Variants in CCDC30 observed in about 807,000 individuals in gnomAD.
The protein encoded by CCDC30 is coiled-coil domain containing 30, also known as coiled-coil domain-containing protein 30.
A neutral mutation model predicts 100.2 loss-of-function variants in CCDC30; 70 were observed. That is an observed-to-expected ratio of 0.70 (90% CI 0.58 to 0.85). The LOEUF (loss-of-function observed/expected upper bound fraction) is 0.85, where lower values mean the gene tolerates loss of function less well. Among genes scored for constraint, CCDC30 ranks in the 40% least tolerant of loss-of-function variants. The probability of loss-of-function intolerance (pLI) is 0.00; values close to 1 mark genes in which losing one functional copy is unlikely to be tolerated. For missense variants in CCDC30, 652 were observed against 771.2 expected, an observed-to-expected ratio of 0.85 and a Z score of 1.83; for synonymous variants, 233 against 269.5, an observed-to-expected ratio of 0.86 and a Z score of 1.33.
intron 4 of CCDC30, chr1:42,492,534 T>C (rs1644160387): frequency 6.5e-6 from 1 of 153,014 alleles, no homozygotes; most frequent in African/African-American, 2.4e-5. Context: ...TCCTGGGCCA[T>C]AAAGCAAATC....
chr1:42,520,581 C>T (rs951860605), intron 6 of CCDC30, among the ~76,000 whole-genome samples: 35 of 149,564 alleles, frequency 2.3e-4, no homozygotes, highest in African/African-American at 7.6e-4. Flanking sequence ...CTGCCCATCT[C>T]GGCCTCTCAA....
At chr1:42,655,016 AT>A (rs1260729608), downstream of CCDC30, among the ~76,000 whole-genome samples, 1 of 151,946 alleles carries the variant, frequency 6.6e-6, no homozygotes, top group East Asian at 2.0e-4. Flanking sequence ...AACACAACTA[AT>A]TTTATTTTAC....
At chr1:42,597,110 A>G (rs1186091408) in intron 10 of CCDC30, among the ~76,000 whole-genome samples, 1 of 152,222 alleles carries the variant, frequency 6.6e-6, no homozygotes, top group Non-Finnish European at 1.5e-5. Context: ...CTGAAAAGCA[A>G]ACAAAAAAAT....
chr1:42,635,137 C>T (rs1647125734), intron 11 of CCDC30, among the ~76,000 whole-genome samples: 1 of 152,096 alleles, frequency 6.6e-6, no homozygotes, highest in Admixed American at 6.5e-5. Context: ...CTCACTGCAA[C>T]CTCCGCCTCC....
intron 6 of CCDC30, among the ~76,000 whole-genome samples, chr1:42,529,248 C>T (rs190808272): frequency 2.0e-5 from 3 of 152,170 alleles, no homozygotes; most frequent in African/African-American, 4.8e-5. Flanking sequence ...CCAAGGTGGG[C>T]GGATCATAAG....
chr1:42,496,122 A>AGT lies in CCDC30; in HGVS notation c.242-939_242-938dup, dbSNP rs56267063. Among the ~76,000 whole-genome samples, 694 of 147,414 alleles carry AGT rather than the reference A, an allele frequency of 4.7e-3. 3 individuals carry two copies. Among genetic ancestry groups the AGT allele is most frequent in the African/African-American group, 0.012 (498 of 39,864 alleles). ...TGTCATTTGGGTTTTTTATTTGTGG[A>AGT]GTGTGTGTGTGTGTGTGTGTGTGTG... On this transcript the variant is annotated intron_variant, in intron 4 of 16. Transcript: ENST00000668663.
the CCDC30 span, chr1:42,457,613 G>A: frequency 2.1e-6 from 1 of 480,196 alleles, no homozygotes; most frequent in Non-Finnish European, 3.7e-6. Context: ...GAATCCTGGG[G>A]GAGTCGATGA....
rs1645966618 is a variant in CCDC30, at chr1:42,581,525, C to A, written c.1001+11C>A. The stretch of plus-strand genomic sequence containing the variant: ...AGAACAACAGAAGAGGTAAGAGGAG[C>A]AGAGATCTCAGTTTCCTGTGGGTTT... On this transcript the variant is annotated intron_variant, in intron 9 of 16. Transcript: ENST00000668663. The A allele has an allele frequency of 6.2e-7, 1 of 1,602,430 alleles. No homozygotes were observed. Among genetic ancestry groups the A allele is most frequent in the African/African-American group, 1.4e-5 (1 of 73,926 alleles).
intron 11 of CCDC30, among the ~76,000 whole-genome samples, chr1:42,613,401 C>T (rs923708169): frequency 3.3e-5 from 5 of 152,182 alleles, no homozygotes; most frequent in African/African-American, 1.2e-4. Flanking sequence ...ACCACAGGCG[C>T]CCACTGCCAC....
intron 15 of CCDC30, among the ~76,000 whole-genome samples, chr1:42,648,170 C>T (rs1396933821): frequency 6.6e-6 from 1 of 151,896 alleles, no homozygotes; most frequent in Non-Finnish European, 1.5e-5. Flanking sequence ...GAACTCCCGA[C>T]CTCAGGTGAT....
chr1:42,644,604 C>T (rs1647723369), intron 13 of CCDC30, 89 bp from the exon 18 acceptor site: 9 of 743,638 alleles, frequency 1.2e-5, no homozygotes, highest in East Asian at 2.6e-5. Flanking sequence ...GTCTAAGATC[C>T]GGGGCCAGTG....
At chr1:42,627,129 T>C (rs1646948551) in intron 11 of CCDC30, among the ~76,000 whole-genome samples, 1 of 152,100 alleles carries the variant, frequency 6.6e-6, no homozygotes, top group Admixed American at 6.6e-5. Flanking sequence ...AACAATAAGG[T>C]CCAGGCTGAG....
In CCDC30 at chr1:42,644,824, C is replaced by T. The variant is rs778558656; in HGVS notation, c.1671+17C>T. The T allele has an allele frequency of 4.0e-6, 6 of 1,487,140 alleles. No individual in the cohort carries two copies. The African/African-American group carries it at 6.9e-5, about 17-fold the overall frequency. 92.1% of individuals were successfully genotyped at this position (1,487,140 alleles called of 1,614,324 possible). A position where few individuals can be genotyped will look rare whatever the true frequency, so the allele number is the denominator to read the frequency against. On this transcript the variant is annotated intron_variant, in intron 14 of 16. Coordinates refer to ENST00000668663, the Ensembl canonical transcript of CCDC30. ...AGAGGAGAGGTAAGATGTGTGCTTC[C>T]TATTGGGCCTGCCTTTAATGTGAAG...
chr1:42,536,088 C>G (rs12029409), intron 6 of CCDC30, among the ~76,000 whole-genome samples: 18,122 of 151,884 alleles, frequency 0.12, 1,301 homozygotes, highest in East Asian at 0.27. Context: ...AACATACTTA[C>G]CATAGTCTCT....
At chr1:42,500,117 C>T (rs1569823155) in intron 6 of CCDC30, 1 of 1,209,172 alleles carries the variant, frequency 8.3e-7, no homozygotes, top group South Asian at 1.2e-5. Context: ...AACCTCTTTG[C>T]ATCTTACAAA....
intron 10 of CCDC30, among the ~76,000 whole-genome samples, chr1:42,605,478 C>T (rs7549984): frequency 0.042 from 6,462 of 152,114 alleles, 443 homozygotes; most frequent in African/African-American, 0.14. Context: ...AAAGAGCAAA[C>T]AAAGTCATTA....
intron 10 of CCDC30, among the ~76,000 whole-genome samples, chr1:42,609,147 A>T (rs1306359129): frequency 6.6e-6 from 1 of 151,954 alleles, no homozygotes; most frequent in African/African-American, 2.4e-5. Context: ...CAGCTCTGCC[A>T]CCCCTGAGAT....
intron 11 of CCDC30, among the ~76,000 whole-genome samples, chr1:42,632,959 G>A (rs577141479): frequency 2.6e-5 from 4 of 151,822 alleles, no homozygotes; most frequent in Middle Eastern, 3.4e-3. Context: ...ACAGATGTGC[G>A]TCACTATGCC....
intron 6 of CCDC30, among the ~76,000 whole-genome samples, chr1:42,554,908 C>T (rs969562505): frequency 6.6e-6 from 1 of 152,052 alleles, no homozygotes; most frequent in Non-Finnish European, 1.5e-5. Flanking sequence ...TTTCTGCTCA[C>T]GTTCTTCTGT....
Sources: allele counts gnomAD v4.1 joint callset (sites outside exome capture counted in the v4.1 genomes callset), GRCh38; gene constraint gnomAD v4.1.1; transcripts MANE v1.5; gene names NCBI Gene and HGNC (gene_info 2026-07-23, HGNC 2026-07-21).